Variants in LMF1 observed in about 807,000 individuals in gnomAD.
LMF1 encodes transmembrane protein 112.
A neutral mutation model predicts 60.6 loss-of-function variants in LMF1; 68 were observed. The ratio of observed to expected loss-of-function variants is 1.12; its 90% CI spans 0.92 to 1.37. The LOEUF is 1.37. Among genes scored for constraint, LMF1 ranks in the 40% most tolerant of loss-of-function variants. The pLI is 0.00. For missense variants in LMF1, 948 were observed against 767.2 expected (o/e 1.24, Z -2.78); for synonymous variants, 418 against 324.7 (o/e 1.29, Z -3.09).
intron 3 of LMF1, among the ~76,000 whole-genome samples, chr16:929,019 G>A (rs1263669289): frequency 6.6e-6 from 1 of 152,248 alleles, no homozygotes; most frequent in East Asian, 1.9e-4. Context: ...TGTGCACTCT[G>A]CCCCCTACTC....
chr16:920,937 C>T (rs530365779), intron 3 of LMF1: 15 of 152,360 alleles, frequency 9.8e-5, no homozygotes, highest in African/African-American at 3.4e-4. Context: ...CAAAGGACAC[C>T]GCTGTTCTCC....
intron 3 of LMF1, chr16:933,615 G>T: frequency 5.2e-6 from 1 of 190,834 alleles, no homozygotes; most frequent in Non-Finnish European, 1.1e-5. Context: ...AGGTCATGGA[G>T]AAAGGCAGGG....
intron 6 of LMF1, among the ~76,000 whole-genome samples, chr16:875,218 C>G (rs145840282): frequency 1.1e-4 from 16 of 152,158 alleles, no homozygotes; most frequent in African/African-American, 3.9e-4. Flanking sequence ...TCTGTCCCCT[C>G]CCCTTTCAGC....
At chr16:903,063 C>T (rs568030785) in intron 4 of LMF1, among the ~76,000 whole-genome samples, 2 of 59,092 alleles carry the variant, frequency 3.4e-5, no homozygotes, top group Admixed American at 3.6e-4. Context: ...CCTGTGGGGA[C>T]GCCCGTCTCT....
At chr16:918,983 C>T (rs1408612727) in intron 3 of LMF1, among the ~76,000 whole-genome samples, 1 of 152,160 alleles carries the variant, frequency 6.6e-6, no homozygotes, top group Non-Finnish European at 1.5e-5. Context: ...GCTCTCGGCA[C>T]CTGCTCCTCC....
chr16:923,310 C>A (rs1051474042), intron 3 of LMF1, among the ~76,000 whole-genome samples: 1 of 152,182 alleles, frequency 6.6e-6, no homozygotes, highest in Non-Finnish European at 1.5e-5. Flanking sequence ...GGGTCCCCAG[C>A]TGTCCACAGT....
upstream of LMF1, among the ~76,000 whole-genome samples, chr16:971,393 A>T (rs2073049596): frequency 6.6e-6 from 1 of 152,174 alleles, no homozygotes; most frequent in Non-Finnish European, 1.5e-5. Context: ...TGGCGGTGCT[A>T]CCACTGCGTG....
rs2073027596 is a variant in LMF1 at position 970,784 on chromosome 16, TCA to T, written c.193+2_193+3del. ...CGGATGTCCCGGGCCCGCCCGGCAC[TCA>T]CAGTACACGAAGGCTAGGGCCTTCA... On this transcript the variant is annotated splice_donor_variant and splice_donor_region_variant and intron_variant, in intron 1 of 10. Transcript: ENST00000262301. LOFTEE classifies it high-confidence loss of function. The T allele has an allele frequency of 6.6e-7, 1 of 1,519,384 alleles. No homozygotes were observed. The highest frequency in any genetic ancestry group is 8.8e-7 in the Non-Finnish European group (1 of 1,130,396). The allele number at this position is 1,519,384 out of a possible 1,614,324, so 94.1% of individuals were successfully genotyped here.
At chr16:975,182 C>T (rs775144018), upstream of LMF1, among the ~76,000 whole-genome samples, 5 of 152,200 alleles carry the variant, frequency 3.3e-5, no homozygotes, top group African/African-American at 4.8e-5. Flanking sequence ...AGTGTTCCCA[C>T]CCCTGCACCC....
chr16:858,739 TCGGGACGGGTGTGACTGGTGTCA>T (rs2069303247), intron 10 of LMF1, among the ~76,000 whole-genome samples: 2 of 23,818 alleles, frequency 8.4e-5, no homozygotes, highest in Non-Finnish European at 6.5e-5. Context: ...GAGTGGTGTC[TCGGGACGGGTGTGACTGGTGTCA>T]CGGGACGGGT....
chr16:918,833 G>GGCGTCCCGGGGC (rs879352284), intron 3 of LMF1, among the ~76,000 whole-genome samples: 45,367 of 150,880 alleles, frequency 0.3, 8,946 homozygotes, highest in African/African-American at 0.54. Flanking sequence ...ACGCGGGGCC[G>GGCGTCCCGGGGC]GCATCCCGGG....
At chr16:859,109 G>A (rs1210114316) in intron 10 of LMF1, among the ~76,000 whole-genome samples, 8 of 132,480 alleles carry the variant, frequency 6.0e-5, no homozygotes, top group African/African-American at 1.7e-4. Flanking sequence ...GGTGTGCAGT[G>A]ATGTCTCGGG....
In LMF1 at chr16:954,379, G is replaced by T; in HGVS notation, c.481C>A (p.Leu161Met). The stretch of plus-strand genomic sequence containing the variant: ...CACCAGACATGGCCCACATTAACCA[G>T]GGACATGTAGAGGCCCCACAGGGCA... ...MAALWGLYMSLVNVGHVWYSF... is the reference protein window; with the variant it reads ...MAALWGLYMSMVNVGHVWYSF... Residue 161 changes from leucine to methionine, a missense_variant, in exon 2 of 11, where the codon CTG becomes ATG. Transcript: ENST00000262301. 6.2e-7 allele frequency: 1 copy of T among 1,612,574 alleles called. No homozygotes were observed.
intron 4 of LMF1, among the ~76,000 whole-genome samples, chr16:895,541 C>T (rs1385332851): frequency 2.0e-5 from 3 of 152,286 alleles, no homozygotes; most frequent in African/African-American, 7.2e-5. Flanking sequence ...GCAGGCTCTG[C>T]TGCTGTCTGT....
chr16:957,748 A>G (rs1303672714), intron 1 of LMF1, among the ~76,000 whole-genome samples: 1 of 152,228 alleles, frequency 6.6e-6, no homozygotes, highest in Non-Finnish European at 1.5e-5. Flanking sequence ...GCAGAACTCA[A>G]TGGAATGGAA....
At chr16:889,711 C>T (rs1379623468) in intron 5 of LMF1, among the ~76,000 whole-genome samples, 2 of 152,288 alleles carry the variant, frequency 1.3e-5, no homozygotes, top group African/African-American at 2.4e-5. Context: ...GGGCACGGCT[C>T]GGGGGTTGCA....
intron 7 of LMF1, 83 bp from the exon 8 acceptor site, chr16:870,965 T>C: frequency 1.3e-6 from 2 of 1,494,674 alleles, no homozygotes; most frequent in Non-Finnish European, 1.8e-6. Flanking sequence ...TGCTGCTCCC[T>C]AAGGGTCAGC....
intron 10 of LMF1, among the ~76,000 whole-genome samples, chr16:862,980 G>A (rs780464899): frequency 3.9e-5 from 6 of 152,090 alleles, no homozygotes; most frequent in Non-Finnish European, 7.4e-5. Flanking sequence ...TTTCTTTTTG[G>A]AGTTTAAAAT....
intron 2 of LMF1, among the ~76,000 whole-genome samples, chr16:940,363 T>G (rs1203515437): frequency 6.6e-6 from 1 of 152,024 alleles, no homozygotes; most frequent in Non-Finnish European, 1.5e-5. Flanking sequence ...ATATCTCCAT[T>G]CCCTGTTGAC....
Sources: gnomAD v4.1 joint callset for allele counts (sites outside exome capture counted in the v4.1 genomes callset) on GRCh38, gnomAD v4.1.1 for gene constraint, MANE v1.5 for transcripts, NCBI Gene and HGNC (gene_info 2026-07-23, HGNC 2026-07-21) for gene names.